ITGB3BP: variants seen among roughly 807,000 people sequenced by gnomAD.
ITGB3BP encodes centromere protein R.
Under a neutral mutation model 29.1 loss-of-function variants are expected in ITGB3BP, and 27 were observed. The ratio of observed to expected loss-of-function variants is 0.93; its 90% confidence interval spans 0.68 to 1.28. The LOEUF (loss-of-function observed/expected upper bound fraction) is 1.28. ITGB3BP is among the 50% of genes most tolerant of loss of function. The pLI is 0.00. For missense variants in ITGB3BP, 192 were observed against 200.2 expected (o/e 0.96, Z 0.25); for synonymous variants, 61 against 61.4 (o/e 0.99, Z 0.03).
intron 4 of ITGB3BP, among the ~76,000 whole-genome samples, chr1:63,464,075 G>A (rs1039147442): frequency 2.0e-5 from 3 of 151,352 alleles, no homozygotes; most frequent in Non-Finnish European, 4.4e-5. Flanking sequence ...ATGAGGGAGG[G>A]ATTAACACTA....
chr1:63,484,356 C>A (rs1645490264), intron 3 of ITGB3BP, among the ~76,000 whole-genome samples: 1 of 151,910 alleles, frequency 6.6e-6, no homozygotes, highest in Non-Finnish European at 1.5e-5. Context: ...ACCAATCCCC[C>A]AGATAGGAAG....
chr1:63,527,209 G>C (rs1244419572), upstream of ITGB3BP, among the ~76,000 whole-genome samples: 1 of 152,076 alleles, frequency 6.6e-6, no homozygotes, highest in Non-Finnish European at 1.5e-5. Context: ...CATTTAGTTT[G>C]TGAATCAATG....
chr1:63,508,406 T>C (rs1424518950), intron 2 of ITGB3BP, 122 bp downstream of exon 2: 3 of 558,770 alleles, frequency 5.4e-6, no homozygotes, highest in East Asian at 3.3e-5. Context: ...CAATCACAAT[T>C]ATATCACACT....
intron 2 of ITGB3BP, among the ~76,000 whole-genome samples, chr1:63,502,135 C>T (rs797020861): frequency 2.0e-5 from 3 of 152,222 alleles, no homozygotes; most frequent in African/African-American, 4.8e-5. Flanking sequence ...GGACTGCCAT[C>T]GGCAACAGTT....
At chr1:63,527,274 A>G (rs1646609733), upstream of ITGB3BP, among the ~76,000 whole-genome samples, 1 of 152,192 alleles carries the variant, frequency 6.6e-6, no homozygotes, top group African/African-American at 2.4e-5. Flanking sequence ...GAGGATAACT[A>G]TACAGTGTTT....
chr1:63,474,915 TAAAA>T lies in ITGB3BP; in HGVS notation c.254+3845_254+3848del. ...AAAAAAAAAAAATAAATAAATAAAA[TAAAA>T]ACAAAACAAAACAAAAACAAAAACT... is the stretch of plus-strand genomic sequence containing the variant. On this transcript the variant is annotated intron_variant, in intron 4 of 8. Transcript: ENST00000271002. Among the ~76,000 whole-genome samples the T allele has an allele frequency of 1.8e-4, 3 of 16,320 alleles. 1 individual carries two copies. The highest frequency in any genetic ancestry group is 0.025 in the South Asian group (1 of 40). 10.7% of individuals were successfully genotyped at this position (16,320 alleles called of 152,430 possible).
chr1:63,487,272 A>C (rs906932718), intron 3 of ITGB3BP, among the ~76,000 whole-genome samples: 1 of 152,070 alleles, frequency 6.6e-6, no homozygotes, highest in Non-Finnish European at 1.5e-5. Flanking sequence ...TTTGAAAATA[A>C]TCTTCATGTA....
chr1:63,515,219 T>C lies in ITGB3BP; in HGVS notation c.6-6649A>G, dbSNP rs539365663. 4.6e-5 allele frequency among the ~76,000 whole-genome samples: 7 copies of C among 152,232 alleles called. No individual in the cohort carries two copies. In the East Asian group the frequency reaches 1.4e-3, roughly 29 times the overall value. On this transcript the variant is annotated intron_variant, in intron 1 of 8. Transcript: ENST00000271002. ...ATAAGGTGAAGGTCAAGGTGTTTTG[T>C]TTTTTTCCCCACTGGGTATGCCAGC... is the stretch of plus-strand genomic sequence containing the variant.
At chr1:63,445,102 T>A (rs573322067) in intron 8 of ITGB3BP, among the ~76,000 whole-genome samples, 90 of 152,090 alleles carry the variant, frequency 5.9e-4, no homozygotes, top group African/African-American at 2.1e-3. Flanking sequence ...CTGGCCAACA[T>A]GGTGAAACCC....
chr1:63,454,386 C>A lies in ITGB3BP; in HGVS notation c.421G>T (p.Glu141Ter), dbSNP rs140716244. 2.2e-5 allele frequency: 34 copies of A among 1,553,588 alleles called. No individual in the cohort carries two copies. The African/African-American group carries it at 4.5e-4, about 21-fold the overall frequency. ...FLKREMQKTK[E>*]LMTKVNKQKL... ...AAAACTCAAAAATTCTTACTTAGTT[C>A]TTTGGTTTTCTGCATTTCTCTTTTT... Residue 141 changes from glutamate to a stop codon, truncating the protein, a stop_gained, in exon 6 of 9, where the codon GAA becomes TAA. Transcript: ENST00000271002. LOFTEE classifies it high-confidence loss of function. This position sits in a 1 kb window ranked among gnomAD's most constrained non-coding sequence, Gnocchi z 4.1.
intron 1 of ITGB3BP, among the ~76,000 whole-genome samples, chr1:63,515,985 G>T (rs1219742821): frequency 1.3e-5 from 2 of 151,584 alleles, no homozygotes; most frequent in Non-Finnish European, 2.9e-5. Context: ...ATCATCTTGT[G>T]TCCATCAATG....
chr1:63,520,501 T>C (rs1646422399), intron 1 of ITGB3BP, among the ~76,000 whole-genome samples: 1 of 152,196 alleles, frequency 6.6e-6, no homozygotes, highest in African/African-American at 2.4e-5. Context: ...CTAATTCATC[T>C]GTTTCCTCCA....
chr1:63,485,828 T>A (rs1205592021), intron 3 of ITGB3BP, among the ~76,000 whole-genome samples: 1 of 152,072 alleles, frequency 6.6e-6, no homozygotes, highest in Non-Finnish European at 1.5e-5. Flanking sequence ...GTAGGTACTA[T>A]CTTTTCTCTG....
Position 63,454,477 on chromosome 1 carries a change from C to T in ITGB3BP, c.334-4G>A. The stretch of plus-strand genomic sequence containing the variant: ...GCTCTCTACTGCCCTCCAAAGCCTA[C>T]AAGAAAGTCATCTTGAATGAGTTAA... On this transcript the variant is annotated splice_region_variant and splice_polypyrimidine_tract_variant and intron_variant, in intron 5 of 8. Coordinates refer to ENST00000271002, the MANE Select transcript of ITGB3BP (RefSeq NM_014288.5). This position sits in a 1 kb window ranked among gnomAD's most constrained non-coding sequence, Gnocchi z 4.1. 2.0e-6 allele frequency: 3 copies of T among 1,514,046 alleles called. No individual in the cohort carries two copies. The highest frequency in any genetic ancestry group is 1.2e-5 in the South Asian group (1 of 85,572). 93.8% of individuals were successfully genotyped at this position (1,514,046 alleles called of 1,614,324 possible).
chr1:63,452,618 CTTTTTCTTTTCTTTCT>C (rs1174952267), intron 7 of ITGB3BP, among the ~76,000 whole-genome samples: 2 of 126,912 alleles, frequency 1.6e-5, no homozygotes, highest in African/African-American at 5.7e-5. Flanking sequence ...TTTCTTTTTT[CTTTTTCTTTTCTTTCT>C]TTTTTTTTTT....
intron 4 of ITGB3BP, among the ~76,000 whole-genome samples, chr1:63,477,804 C>T (rs1645367535): frequency 6.6e-6 from 1 of 151,932 alleles, no homozygotes; most frequent in African/African-American, 2.4e-5. Flanking sequence ...TGGTGTGGTA[C>T]ATAGAAGATA....
intron 1 of ITGB3BP, 155 bp downstream of exon 1, chr1:63,522,974 T>G (rs773877082): frequency 3.5e-6 from 3 of 854,236 alleles, no homozygotes; most frequent in Non-Finnish European, 6.1e-6. Flanking sequence ...GACGTAGAGT[T>G]GAGGGTACCA....
chr1:63,510,191 A>G lies in ITGB3BP; in HGVS notation c.6-1621T>C, dbSNP rs114537429. 1,238 of 511,528 alleles carry G rather than the reference A, an allele frequency of 2.4e-3. 16 individuals carry two copies. Among genetic ancestry groups the G allele is most frequent in the African/African-American group, 0.022 (1,150 of 51,166 alleles). 31.7% of individuals were successfully genotyped at this position (511,528 alleles called of 1,614,324 possible). A position where few individuals can be genotyped will look rare whatever the true frequency, so the allele number is the denominator to read the frequency against. On this transcript the variant is annotated intron_variant, in intron 1 of 8. Transcript: ENST00000271002. ...GGCAACGGGAGCAAAACTGTCTCAAAAAAAAAAGAAAAAGAAAATAGAAAT... is the reference window on the plus strand; with the variant it reads ...GGCAACGGGAGCAAAACTGTCTCAAGAAAAAAAGAAAAAGAAAATAGAAAT...
chr1:63,505,560 A>C (rs1646056145), intron 2 of ITGB3BP, among the ~76,000 whole-genome samples: 1 of 151,962 alleles, frequency 6.6e-6, no homozygotes, highest in Non-Finnish European at 1.5e-5. Flanking sequence ...CTAGCTTTTG[A>C]ATGTGTTTGC....
Sources: gnomAD v4.1 joint callset for allele counts (sites outside exome capture counted in the v4.1 genomes callset) on GRCh38, gnomAD v4.1.1 for gene constraint, Gnocchi (gnomAD v3.1) non-coding constraint, MANE v1.5 for transcripts, NCBI Gene and HGNC (gene_info 2026-07-23, HGNC 2026-07-21) for gene names.